The following KIF26B variants were observed in gnomAD, a reference collection of about 807,000 sequenced individuals.
KIF26B encodes kinesin family member 26B.
KIF26B carries 63 observed loss-of-function variants against 151.2 expected under a neutral mutation model. The observed-to-expected ratio is 0.42, with a 90% CI of 0.34 to 0.51. The LOEUF is 0.51. Ranked by LOEUF, KIF26B falls within the 20% of genes least tolerant of loss-of-function variation. KIF26B has a pLI of 0.07. For synonymous variants in KIF26B, 1,357 were observed against 1,262.1 expected, an observed-to-expected ratio of 1.08 and a Z score of -1.59; for missense variants, 2,813 against 2,913.6, an observed-to-expected ratio of 0.97 and a Z score of 0.79.
At position 245,564,066 on chromosome 1, in the gene KIF26B, G is replaced by A. The variant is rs1172227502; in HGVS notation, c.1350+23116G>A. Among the ~76,000 whole-genome samples the A allele has an allele frequency of 6.6e-6, 1 of 152,078 alleles. No individual in the cohort carries two copies. Among genetic ancestry groups the A allele is most frequent in the Non-Finnish European group, 1.5e-5 (1 of 68,028 alleles). On this transcript the variant is annotated intron_variant, in intron 5 of 14. Transcript: ENST00000407071. This position sits in a 1 kb window ranked among gnomAD's most constrained non-coding sequence, Gnocchi z 4.6. ...CAGCTAAGCAGGTCACGCTGAGCTC[G>A]ACACAGTCCAATCCCAAGTACCAGT...
chr1:245,464,287 G>T (rs1439813245), intron 4 of KIF26B, among the ~76,000 whole-genome samples: 1 of 152,210 alleles, frequency 6.6e-6, no homozygotes, highest in Non-Finnish European at 1.5e-5. Flanking sequence ...TGTCTCAGGA[G>T]AGGATGGCCC....
intron 2 of KIF26B, among the ~76,000 whole-genome samples, chr1:245,329,099 G>A (rs1037126427): frequency 3.9e-5 from 6 of 152,222 alleles, no homozygotes; most frequent in African/African-American, 1.2e-4. Context: ...CAAAGAGGTC[G>A]TATGTTTGGA....
intron 1 of KIF26B, 94 bp downstream of exon 1, chr1:245,155,581 C>A: frequency 8.7e-7 from 1 of 1,148,658 alleles, no homozygotes; most frequent in Non-Finnish European, 1.2e-6. Flanking sequence ...CGGCCCCGAG[C>A]TCTCCCCCGC....
At chr1:245,379,420 A>G (rs1260434963) in intron 3 of KIF26B, among the ~76,000 whole-genome samples, 2 of 151,948 alleles carry the variant, frequency 1.3e-5, no homozygotes, top group Admixed American at 6.5e-5. Context: ...AACAAGTCAA[A>G]CGTTATTATT....
chr1:245,482,385 G>T (rs776759079), intron 4 of KIF26B, among the ~76,000 whole-genome samples: 1 of 151,876 alleles, frequency 6.6e-6, no homozygotes, highest in Non-Finnish European at 1.5e-5. Flanking sequence ...ACCATGCCTG[G>T]TCAAGACACT....
chr1:245,329,160 TAGG>T (rs908075682), intron 2 of KIF26B, among the ~76,000 whole-genome samples: 8 of 152,300 alleles, frequency 5.3e-5, no homozygotes, highest in African/African-American at 1.9e-4. Context: ...GGGGACAGGA[TAGG>T]AGGTGGACCC....
intron 5 of KIF26B, among the ~76,000 whole-genome samples, chr1:245,595,589 C>T (rs1439276476): frequency 2.6e-5 from 4 of 152,086 alleles, no homozygotes; most frequent in African/African-American, 7.2e-5. Context: ...ATTTTCACAT[C>T]GATGTTCATC....
At chr1:245,273,062 GT>G (rs560051711) in intron 2 of KIF26B, among the ~76,000 whole-genome samples, 6 of 148,144 alleles carry the variant, frequency 4.1e-5, no homozygotes, top group South Asian at 2.1e-4. Context: ...CAAGTCCTCT[GT>G]TTTTTTTTTA....
At chr1:245,311,594 C>A (rs1671666833) in intron 2 of KIF26B, among the ~76,000 whole-genome samples, 1 of 151,364 alleles carries the variant, frequency 6.6e-6, no homozygotes, top group Non-Finnish European at 1.5e-5. Flanking sequence ...AGAGTGAGAC[C>A]CTGTCTCTAA....
At chr1:245,323,031 A>AAC (rs1276505800) in intron 2 of KIF26B, among the ~76,000 whole-genome samples, 23 of 152,356 alleles carry the variant, frequency 1.5e-4, no homozygotes, top group Non-Finnish European at 2.5e-4. Flanking sequence ...GACTTAGGAC[A>AAC]AATGAGGTTA....
At position 245,705,058 on chromosome 1, in the gene KIF26B, C is replaced by T. The variant is rs549174487; in HGVS notation, c.*2452C>T. The T allele has an allele frequency of 2.6e-5, 4 of 152,300 alleles. No homozygotes were observed. Among genetic ancestry groups the T allele is most frequent in the South Asian group, 2.1e-4 (1 of 4,832 alleles). 9.4% of individuals were successfully genotyped at this position (152,300 alleles called of 1,614,324 possible). On this transcript the variant is annotated 3_prime_UTR_variant, in exon 15 of 15. Coordinates refer to ENST00000407071, the MANE Select transcript of KIF26B (RefSeq NM_018012.4). ...TGGACTGAAACCGATGGAATCCTTC[C>T]GAGGGGAGTGGCATTCGGCTTGCCT... is the stretch of plus-strand genomic sequence containing the variant.
chr1:245,394,840 G>A (rs565749488), intron 3 of KIF26B, among the ~76,000 whole-genome samples: 30 of 151,812 alleles, frequency 2.0e-4, no homozygotes, highest in African/African-American at 6.5e-4. Context: ...ACAGGTGCTC[G>A]CCACCACGCC....
At chr1:245,340,671 C>T (rs1200902091) in intron 2 of KIF26B, among the ~76,000 whole-genome samples, 1 of 152,154 alleles carries the variant, frequency 6.6e-6, no homozygotes. Flanking sequence ...AGACAGGGTC[C>T]TGCTTTCATC....
Position 245,686,895 on chromosome 1 carries a change from T to G in KIF26B, c.3912T>G (p.Phe1304Leu), listed in dbSNP as rs1558271512. 6.2e-7 allele frequency: 1 copy of G among 1,613,464 alleles called. No homozygotes were observed. Among genetic ancestry groups the G allele is most frequent in the Non-Finnish European group, 8.5e-7 (1 of 1,179,788 alleles). Residue 1304 changes from phenylalanine (F) to leucine (L), a missense_variant, in exon 12 of 15, where the codon TTT becomes TTG. Phe to Leu is a conservative substitution (Grantham distance 22). Transcript: ENST00000407071. The surrounding 1 kb of genome is among the most constrained non-coding windows in gnomAD (Gnocchi z 5.6). Reference protein sequence around the residue: ...SCHSFIAQTCFGHGEAMAEPV... With the variant: ...SCHSFIAQTCLGHGEAMAEPV... ...ACAGTTTCATAGCCCAGACGTGTTT[T>G]GGGCACGGGGAGGCAATGGCAGAAC...
chr1:245,602,177 T>G lies in KIF26B; in HGVS notation c.1351-400T>G, dbSNP rs1236268861. 6.6e-6 allele frequency among the ~76,000 whole-genome samples: 1 copy of G among 152,214 alleles called. No homozygotes were observed. Among genetic ancestry groups the G allele is most frequent in the Non-Finnish European group, 1.5e-5 (1 of 68,048 alleles). ...TGAGCCAAGGAGTAAATTACGGAGC[T>G]AACTTTTATGTGCATGGTTTATTGA... On this transcript the variant is annotated intron_variant, in intron 5 of 14. Transcript: ENST00000407071. This position sits in a 1 kb window ranked among gnomAD's most constrained non-coding sequence, Gnocchi z 4.5.
intron 9 of KIF26B, among the ~76,000 whole-genome samples, chr1:245,627,744 TAAAG>T (rs1276314605): frequency 2.0e-5 from 3 of 150,146 alleles, no homozygotes; most frequent in South Asian, 2.1e-4. Flanking sequence ...ACTAGACTAA[TAAAG>T]AAGAAAAGGA....
intron 4 of KIF26B, among the ~76,000 whole-genome samples, chr1:245,434,807 TG>T (rs1658864234): frequency 6.6e-6 from 1 of 152,168 alleles, no homozygotes; most frequent in East Asian, 1.9e-4. Context: ...ATAACCTGCT[TG>T]AGAACACAGA....
chr1:245,651,101 G>A (rs1026696972), intron 10 of KIF26B, among the ~76,000 whole-genome samples: 1 of 152,170 alleles, frequency 6.6e-6, no homozygotes, highest in Non-Finnish European at 1.5e-5. Flanking sequence ...AGAAGGCTGT[G>A]TTCCACAAAA....
intron 2 of KIF26B, among the ~76,000 whole-genome samples, chr1:245,165,133 C>T (rs1668594856): frequency 6.6e-6 from 1 of 151,888 alleles, no homozygotes; most frequent in African/African-American, 2.4e-5. Flanking sequence ...AGTGGTGTCA[C>T]CGAGACCAGT....
Sources: allele counts gnomAD v4.1 joint callset (sites outside exome capture counted in the v4.1 genomes callset), GRCh38; gene constraint gnomAD v4.1.1; non-coding constraint Gnocchi (gnomAD v3.1); transcripts MANE v1.5; gene names NCBI Gene and HGNC (gene_info 2026-07-23, HGNC 2026-07-21).